Variants in EPS8L2 observed in about 807,000 individuals in gnomAD.
EPS8L2 encodes EPS8 signaling adaptor L2, also known as epidermal growth factor receptor kinase substrate 8-like protein 2.
EPS8L2 carries 81 observed loss-of-function variants against 99.4 expected under a neutral mutation model. The ratio of observed to expected loss-of-function variants is 0.82; its 90% confidence interval spans 0.68 to 0.98. The LOEUF is 0.98. Among genes scored for constraint, EPS8L2 ranks in the 50% least tolerant of loss-of-function variants. The probability of loss-of-function intolerance (pLI) is 0.00; values close to 1 mark genes in which losing one functional copy is unlikely to be tolerated. For missense variants in EPS8L2, 1,155 were observed against 968.8 expected, an observed-to-expected ratio of 1.19 and a Z score of -2.55; for synonymous variants, 509 against 407.3, an observed-to-expected ratio of 1.25 and a Z score of -3.01.
At position 720,204 on chromosome 11, in the gene EPS8L2, T is replaced by G; in HGVS notation, c.308T>G (p.Leu103Arg). The change falls in exon 5 of 21, where the codon CTG becomes CGG. Residue 103 changes from leucine to arginine, a missense_variant. Coordinates refer to ENST00000318562, the MANE Select transcript of EPS8L2 (RefSeq NM_022772.4). ...CAGGTGAACGACCAGTCGCTGCGGC[T>G]GCTGGACATCGAGTCACAGGTGGGG... is the stretch of plus-strand genomic sequence containing the variant. ...LLQVNDQSLR[L>R]LDIESQEELE... is the part of the protein sequence containing the mutation. The G allele has an allele frequency of 6.2e-7, 1 of 1,613,116 alleles. No homozygotes were observed. The highest frequency in any genetic ancestry group is 8.5e-7 in the Non-Finnish European group (1 of 1,179,940).
Position 727,021 on chromosome 11 carries a change from C to G in EPS8L2, c.*40C>G. On this transcript the variant is annotated 3_prime_UTR_variant, in exon 21 of 21. Transcript: ENST00000318562. Reference sequence around the variant, plus strand: ...GGCTGGGGCCTGCGGAGGGGAAGCCCACCCACAATGCATGGAGTATTATTT... The same window carrying G: ...GGCTGGGGCCTGCGGAGGGGAAGCCGACCCACAATGCATGGAGTATTATTT... 1 of 1,331,370 alleles carries G rather than the reference C, an allele frequency of 7.5e-7. No homozygotes were observed. The highest frequency in any genetic ancestry group is 1.8e-4 in the Middle Eastern group (1 of 5,462). The allele number at this position is 1,331,370 out of a possible 1,614,324, so 82.5% of individuals were successfully genotyped here.
intron 4 of EPS8L2, among the ~76,000 whole-genome samples, chr11:711,142 A>T (rs1489533008): frequency 6.6e-6 from 1 of 152,080 alleles, no homozygotes; most frequent in African/African-American, 2.4e-5. Context: ...GGCTGCCTGC[A>T]CGCGCCGGAC....
At position 721,341 on chromosome 11, in the gene EPS8L2, G is replaced by C; in HGVS notation, c.757G>C (p.Glu253Gln). 1 of 1,539,966 alleles carries C rather than the reference G, an allele frequency of 6.5e-7. No homozygotes were observed. The highest frequency in any genetic ancestry group is 8.7e-7 in the Non-Finnish European group (1 of 1,146,558). ...EPRAVLAQKI[E>Q]KETQILNCAL... ...GCGGGCCGTGCTGGCTCAGAAGATA[G>C]AGAAGGAGACGGTGGGTGCCCGGGC... is the stretch of plus-strand genomic sequence containing the variant. Residue 253 changes from glutamate (E) to glutamine (Q), a missense_variant, in exon 9 of 21, where the codon GAG becomes CAG. Coordinates refer to ENST00000318562, the MANE Select transcript of EPS8L2 (RefSeq NM_022772.4).
At position 718,967 on chromosome 11, in the gene EPS8L2, CT is replaced by C. The variant is rs745422884; in HGVS notation, c.166-1079del. ...ACAGGCATGAGCCACTGCGCCCGAT[CT>C]TTTTTTTTTTTTTTTGAGACAGAGT... is the stretch of plus-strand genomic sequence containing the variant. On this transcript the variant is annotated intron_variant, in intron 4 of 20. Transcript: ENST00000318562. 4.1e-3 allele frequency among the ~76,000 whole-genome samples: 508 copies of C among 125,198 alleles called. 1 individual carries two copies. The highest frequency in any genetic ancestry group is 8.9e-3 in the South Asian group (34 of 3,838). 82.1% of individuals were successfully genotyped at this position (125,198 alleles called of 152,430 possible).
chr11:715,634 T>G, intron 4 of EPS8L2, among the ~76,000 whole-genome samples: 1 of 148,316 alleles, frequency 6.7e-6, no homozygotes, highest in South Asian at 2.1e-4. Flanking sequence ...TTTTTTTTTT[T>G]TTTTGAAATG....
At position 722,645 on chromosome 11, in the gene EPS8L2, GGGCTGACTTCA is replaced by G; in HGVS notation, c.1209-25_1209-15del. 6.2e-7 allele frequency: 1 copy of G among 1,607,990 alleles called. No individual in the cohort carries two copies. Among genetic ancestry groups the G allele is most frequent in the Non-Finnish European group, 8.5e-7 (1 of 1,177,790 alleles). Reference sequence around the variant, plus strand: ...CTGGTGGGCCAGTTCTGGAGAGGCAGGGCTGACTTCAGGACCTCTCACCCCAGTTCCGAGTG... The same window carrying G: ...CTGGTGGGCCAGTTCTGGAGAGGCAGGGACCTCTCACCCCAGTTCCGAGTG... On this transcript the variant is annotated splice_polypyrimidine_tract_variant and intron_variant, in intron 13 of 20. Coordinates refer to ENST00000318562, the MANE Select transcript of EPS8L2 (RefSeq NM_022772.4).
rs779306152 is a variant in EPS8L2, at chr11:724,860, G to A, written c.1560+31G>A. The stretch of plus-strand genomic sequence containing the variant: ...GGGCTGGAGGACGGGGTCCAAGAGG[G>A]GGAAACAGGGCAGGGCTTCAAGGGA... On this transcript the variant is annotated intron_variant, in intron 16 of 20. Transcript: ENST00000318562. The surrounding 1 kb of genome is among the most constrained non-coding windows in gnomAD (Gnocchi z 5.5). The A allele has an allele frequency of 1.2e-5, 19 of 1,532,748 alleles. No individual in the cohort carries two copies. The African/African-American group carries it at 2.0e-4, about 17-fold the overall frequency. The allele number at this position is 1,532,748 out of a possible 1,614,324, so 94.9% of individuals were successfully genotyped here. A position where few individuals can be genotyped will look rare whatever the true frequency, so the allele number is the denominator to read the frequency against.
intron 20 of EPS8L2, 28 bp from the exon 21 acceptor site, chr11:726,873 T>G: frequency 6.2e-7 from 1 of 1,607,054 alleles, no homozygotes; most frequent in Non-Finnish European, 8.5e-7. Context: ...GACCCCCGGC[T>G]GAGGATGCCC....
chr11:716,919 C>G (rs552793450), intron 4 of EPS8L2, among the ~76,000 whole-genome samples: 1 of 152,304 alleles, frequency 6.6e-6, no homozygotes, highest in East Asian at 1.9e-4. Context: ...TTTACTCTGC[C>G]TCTCGCAGAG....
chr11:718,967 C>CT (rs745422884), intron 4 of EPS8L2, among the ~76,000 whole-genome samples: 1,885 of 125,256 alleles, frequency 0.015, 25 homozygotes, highest in Admixed American at 0.034. Flanking sequence ...TGCGCCCGAT[C>CT]TTTTTTTTTT....
At chr11:708,927 G>GCCCTCCCCCAACCCCCACCGCACCC in intron 1 of EPS8L2, 1 of 33,124 alleles carries the variant, frequency 3.0e-5, no homozygotes, top group Non-Finnish European at 6.5e-5. Flanking sequence ...GCTCCCACCC[G>GCCCTCCCCCAACCCCCACCGCACCC]CCCTCCCCCA....
intron 4 of EPS8L2, among the ~76,000 whole-genome samples, chr11:711,261 C>CGTGT (rs797000741): frequency 1.2e-3 from 140 of 120,856 alleles, no homozygotes; most frequent in African/African-American, 3.6e-3. Flanking sequence ...TGCGTGTGTG[C>CGTGT]GTGCGTGCGT....
At chr11:726,790 C>G in intron 20 of EPS8L2, 39 bp downstream of exon 20, 1 of 1,579,398 alleles carries the variant, frequency 6.3e-7, no homozygotes, top group African/African-American at 1.3e-5. Context: ...CCCCTCCTGC[C>G]CCTGCGCCCT....
Position 708,939 on chromosome 11 carries a change from C to T in EPS8L2, c.-78-391C>T, listed in dbSNP as rs868502829. The T allele has an allele frequency of 3.6e-5, 5 of 138,696 alleles. No individual in the cohort carries two copies. In the South Asian group the frequency reaches 9.5e-4, roughly 26 times the overall value. 8.6% of individuals were successfully genotyped at this position (138,696 alleles called of 1,614,324 possible). A position where few individuals can be genotyped will look rare whatever the true frequency, so the allele number is the denominator to read the frequency against. On this transcript the variant is annotated intron_variant, in intron 1 of 20. Coordinates refer to ENST00000318562, the MANE Select transcript of EPS8L2 (RefSeq NM_022772.4). The stretch of plus-strand genomic sequence containing the variant: ...GCAGCTCCCACCCGCCCTCCCCCAA[C>T]CCCCACCGCACCCCCCTCCCCCCAC...
At chr11:713,683 T>G (rs1272882947) in intron 4 of EPS8L2, among the ~76,000 whole-genome samples, 2 of 152,228 alleles carry the variant, frequency 1.3e-5, no homozygotes, top group Non-Finnish European at 2.9e-5. Context: ...TACCTGGGAT[T>G]ACAGGCACGC....
intron 1 of EPS8L2, chr11:709,057 C>T (rs1194996877): frequency 3.0e-5 from 9 of 303,538 alleles, no homozygotes; most frequent in Non-Finnish European, 5.5e-5. Context: ...TGGAAGGCGC[C>T]TTCTGCCCCC....
At chr11:712,102 A>T (rs1004901810) in intron 4 of EPS8L2, among the ~76,000 whole-genome samples, 1 of 152,160 alleles carries the variant, frequency 6.6e-6, no homozygotes, top group African/African-American at 2.4e-5. Flanking sequence ...CCTGACCAAC[A>T]TGGTGAAACC....
Position 721,108 on chromosome 11 carries a change from C to A in EPS8L2, c.602C>A (p.Pro201His). The A allele has an allele frequency of 6.5e-7, 1 of 1,531,144 alleles. No homozygotes were observed. Among genetic ancestry groups the A allele is most frequent in the African/African-American group, 1.4e-5 (1 of 72,872 alleles). The allele number at this position is 1,531,144 out of a possible 1,614,324, so 94.8% of individuals were successfully genotyped here. The stretch of plus-strand genomic sequence containing the variant: ...CGGCAGCGGCAGTCCATCCTGCCTC[C>A]TCCCCAGGGCCCGGCGCCCATCCCC... ...KIRQRQSILP[P>H]PQGPAPIPFQ... is the part of the protein sequence containing the mutation. The change falls in exon 8 of 21, where the codon CCT (proline) becomes CAT (histidine). Residue 201 changes from proline to histidine, a missense_variant. Pro to His is a moderately conservative substitution (Grantham distance 77, BLOSUM62 -2). Coordinates refer to ENST00000318562, the MANE Select transcript of EPS8L2 (RefSeq NM_022772.4).
In EPS8L2 at chr11:726,154, C is replaced by T; in HGVS notation, c.1737C>T (p.Phe579=). The change falls in exon 18 of 21, where the codon TTC becomes TTT. Residue 579 remains phenylalanine, a synonymous_variant. Coordinates refer to ENST00000318562, the MANE Select transcript of EPS8L2 (RefSeq NM_022772.4). ...ASPTHKLPPS[F]PGNKDELMQH... ...CGACCCACAAGCTACCCCCAAGCTT[C>T]CCGGGGAACAAAGACGGTGAGAGCT... 1 of 1,609,058 alleles carries T rather than the reference C, an allele frequency of 6.2e-7. No individual in the cohort carries two copies. The highest frequency in any genetic ancestry group is 1.1e-5 in the South Asian group (1 of 90,800).
Sources: allele counts gnomAD v4.1 joint callset (sites outside exome capture counted in the v4.1 genomes callset), GRCh38; gene constraint gnomAD v4.1.1; non-coding constraint Gnocchi (gnomAD v3.1); transcripts MANE v1.5; gene names NCBI Gene and HGNC (gene_info 2026-07-23, HGNC 2026-07-21).